Variants in XKR4 observed in about 807,000 individuals in gnomAD.
The protein encoded by XKR4 is XK-related protein 4.
In XKR4, 12 loss-of-function variants were observed where a neutral mutation model predicts 53.9. That is an observed-to-expected ratio of 0.22 (90% CI 0.14 to 0.36). The LOEUF is 0.36. XKR4 is among the 10% of genes least tolerant of loss of function. The pLI is 1.00. For synonymous variants in XKR4, 354 were observed against 362.4 expected, an observed-to-expected ratio of 0.98 and a Z score of 0.26; for missense variants, 799 against 859.5, an observed-to-expected ratio of 0.93 and a Z score of 0.88.
intron 2 of XKR4, among the ~76,000 whole-genome samples, chr8:55,373,967 A>C (rs556470280): frequency 1.8e-4 from 28 of 152,316 alleles, no homozygotes; most frequent in Admixed American, 1.8e-3. Flanking sequence ...ATCAGATAAG[A>C]GCAGGTCAGG....
At position 55,524,019 on chromosome 8, in the gene XKR4, C is replaced by A; in HGVS notation, c.1745C>A (p.Thr582Asn). Residue 582 changes from threonine (T) to asparagine (N), a missense_variant, in exon 3 of 3, where the codon ACC becomes AAC. By Grantham distance (65) the Thr-to-Asn change is moderately conservative. This residue lies in a region of XKR4 where 269 missense variants were observed against 264.4 expected (regional missense o/e 1.02). Transcript: ENST00000327381. Reference protein sequence around the residue: ...VFQVRPTAPSTPSSRPPRIEE... With the variant: ...VFQVRPTAPSNPSSRPPRIEE... ...CAAGTGAGGCCCACTGCCCCATCCA[C>A]CCCATCATCTCGCCCACCACGGATT... The A allele has an allele frequency of 6.2e-7, 1 of 1,614,162 alleles. No individual in the cohort carries two copies. The highest frequency in any genetic ancestry group is 8.5e-7 in the Non-Finnish European group (1 of 1,180,042).
intron 2 of XKR4, among the ~76,000 whole-genome samples, chr8:55,494,234 G>A (rs568580316): frequency 1.3e-5 from 2 of 152,374 alleles, no homozygotes; most frequent in East Asian, 3.9e-4. Flanking sequence ...ACCACAAGCA[G>A]CACCCACAGC....
chr8:55,289,847 AGAAG>A (rs1223093124), intron 1 of XKR4, among the ~76,000 whole-genome samples: 1 of 114,564 alleles, frequency 8.7e-6, no homozygotes, highest in Admixed American at 9.8e-5. Flanking sequence ...AGAGAAAGAA[AGAAG>A]GAAAGAAAGA....
intron 1 of XKR4, among the ~76,000 whole-genome samples, chr8:55,230,234 A>G (rs986884453): frequency 2.0e-5 from 3 of 152,242 alleles, no homozygotes; most frequent in African/African-American, 7.2e-5. Flanking sequence ...ATAGAGCAGT[A>G]AATAAAACAA....
chr8:55,495,948 G>T (rs61096309), intron 2 of XKR4, among the ~76,000 whole-genome samples: 7,971 of 152,258 alleles, frequency 0.052, 599 homozygotes, highest in East Asian at 0.28. Context: ...CACCATATGA[G>T]AAATATTTTA....
Position 55,289,699 on chromosome 8 carries a change from A to AAG in XKR4, c.807-67977_807-67976dup, listed in dbSNP as rs1357148154. ...AAAGAGAAAGAAAGAAAGAAAGAGA[A>AAG]AGAAAGAAAGAAAGAGAGAGAAAGA... is the stretch of plus-strand genomic sequence containing the variant. On this transcript the variant is annotated intron_variant, in intron 1 of 2. Transcript: ENST00000327381. Among the ~76,000 whole-genome samples the AAG allele has an allele frequency of 7.2e-4, 91 of 125,690 alleles. 1 individual carries two copies. Among genetic ancestry groups the AAG allele is most frequent in the South Asian group, 2.5e-3 (9 of 3,548 alleles). The allele number at this position is 125,690 out of a possible 152,430, so 82.5% of individuals were successfully genotyped here.
intron 2 of XKR4, among the ~76,000 whole-genome samples, chr8:55,410,454 T>C (rs371197762): frequency 6.6e-6 from 1 of 152,216 alleles, no homozygotes; most frequent in African/African-American, 2.4e-5. Flanking sequence ...AATTGGGTTA[T>C]AATCCTCAGC....
intron 1 of XKR4, among the ~76,000 whole-genome samples, chr8:55,312,857 G>A (rs534424088): frequency 5.3e-4 from 81 of 152,234 alleles, no homozygotes; most frequent in Middle Eastern, 3.4e-3. Flanking sequence ...CATAGATGGC[G>A]TCAAGACAAG....
intron 1 of XKR4, chr8:55,272,883 AATAAATT>A (rs1818711880): frequency 2.2e-6 from 1 of 452,652 alleles, no homozygotes; most frequent in African/African-American, 2.0e-5. Context: ...CCTTTCCTCT[AATAAATT>A]ATTCATGTCT....
chr8:55,161,879 A>G (rs989626343), intron 1 of XKR4, among the ~76,000 whole-genome samples: 3 of 152,174 alleles, frequency 2.0e-5, no homozygotes, highest in African/African-American at 7.2e-5. Flanking sequence ...TGCTTCCTGT[A>G]TTTTTGATCA....
At chr8:55,455,864 A>C (rs1225280734) in intron 2 of XKR4, among the ~76,000 whole-genome samples, 1 of 152,216 alleles carries the variant, frequency 6.6e-6, no homozygotes, top group Non-Finnish European at 1.5e-5. Flanking sequence ...AAGGTGCTTG[A>C]GAAAAATCTG....
chr8:55,461,201 T>G (rs904043146), intron 2 of XKR4, among the ~76,000 whole-genome samples: 2 of 152,086 alleles, frequency 1.3e-5, no homozygotes, highest in African/African-American at 4.8e-5. Flanking sequence ...GAACCCGGAG[T>G]AGCCTAACTG....
intron 1 of XKR4, among the ~76,000 whole-genome samples, chr8:55,288,900 T>C (rs931823089): frequency 3.3e-5 from 5 of 152,236 alleles, no homozygotes; most frequent in African/African-American, 1.2e-4. Flanking sequence ...AATGGAATCA[T>C]GTAGCACATA....
chr8:55,322,058 C>G (rs1803224205), intron 1 of XKR4, among the ~76,000 whole-genome samples: 1 of 152,106 alleles, frequency 6.6e-6, no homozygotes, highest in Admixed American at 6.5e-5. Flanking sequence ...CTGACTTTCC[C>G]CAATTCCACC....
At chr8:55,104,481 TA>T (rs1171453269) in intron 1 of XKR4, among the ~76,000 whole-genome samples, 1 of 152,202 alleles carries the variant, frequency 6.6e-6, no homozygotes, top group Non-Finnish European at 1.5e-5. Context: ...AGTTCTTGAC[TA>T]TGCCGAAGTA....
chr8:55,397,085 C>T (rs1804529884), intron 2 of XKR4, among the ~76,000 whole-genome samples: 1 of 152,186 alleles, frequency 6.6e-6, no homozygotes, highest in Non-Finnish European at 1.5e-5. Context: ...GATTGACTGG[C>T]CTAATTCTAT....
intron 1 of XKR4, among the ~76,000 whole-genome samples, chr8:55,282,929 AT>A (rs1585985405): frequency 6.6e-6 from 1 of 152,176 alleles, no homozygotes; most frequent in Non-Finnish European, 1.5e-5. Context: ...TAAGCATACC[AT>A]TTTTTAATCT....
At chr8:55,269,194 T>C (rs1818653402) in intron 1 of XKR4, among the ~76,000 whole-genome samples, 1 of 152,202 alleles carries the variant, frequency 6.6e-6, no homozygotes, top group African/African-American at 2.4e-5. Context: ...AATACATTTT[T>C]TTAAATAAAC....
At chr8:55,454,082 A>G in intron 2 of XKR4, 4 of 820,694 alleles carry the variant, frequency 4.9e-6, no homozygotes, top group East Asian at 2.6e-5. Context: ...TTTGTCCTGC[A>G]TATTCAAGGA....
Sources: gnomAD v4.1 joint callset for allele counts (sites outside exome capture counted in the v4.1 genomes callset) on GRCh38, gnomAD v4.1.1 for gene constraint, gnomAD v4.1.1 regional missense constraint, MANE v1.5 for transcripts, NCBI Gene and HGNC (gene_info 2026-07-23, HGNC 2026-07-21) for gene names.